The following AVL9 variants were observed in gnomAD, a reference collection of about 807,000 sequenced individuals.
AVL9 encodes the protein late secretory pathway protein AVL9 homolog.
Under a neutral mutation model 79.2 loss-of-function variants are expected in AVL9, and 49 were observed. The observed-to-expected ratio is 0.62, with a 90% CI of 0.49 to 0.79. AVL9 has a LOEUF of 0.79. AVL9 is among the 30% of genes least tolerant of loss of function. The pLI is 0.00. For synonymous variants in AVL9, 299 were observed against 280.6 expected (o/e 1.07, Z -0.65); for missense variants, 682 against 776.8 (o/e 0.88, Z 1.45).
chr7:32,562,637 G>A (rs1474603131), intron 10 of AVL9: 5 of 984,212 alleles, frequency 5.1e-6, no homozygotes, highest in Non-Finnish European at 6.0e-6. Context: ...AAGTTACACT[G>A]GACTGGACAT....
intron 13 of AVL9, among the ~76,000 whole-genome samples, chr7:32,579,411 A>ATTATATT (rs1562801474): frequency 6.1e-4 from 2 of 3,260 alleles, no homozygotes; most frequent in Admixed American, 0.01. Flanking sequence ...TATTATATAT[A>ATTATATT]ATATGTTATA....
intron 1 of AVL9, among the ~76,000 whole-genome samples, chr7:32,503,614 C>T (rs1002652032): frequency 6.7e-6 from 1 of 148,886 alleles, no homozygotes; most frequent in Middle Eastern, 3.2e-3. Flanking sequence ...TTGTGCCTTT[C>T]ATCACATCAC....
chr7:32,501,856 C>T (rs1787141195), intron 1 of AVL9, among the ~76,000 whole-genome samples: 1 of 152,062 alleles, frequency 6.6e-6, no homozygotes, highest in Admixed American at 6.6e-5. Context: ...TGCAGAAGGG[C>T]CCTAATCTAC....
chr7:32,540,417 C>T (rs1214284129), intron 1 of AVL9, among the ~76,000 whole-genome samples: 1 of 152,048 alleles, frequency 6.6e-6, no homozygotes, highest in Non-Finnish European at 1.5e-5. Flanking sequence ...GGTTGGGGCT[C>T]TACTAAAGGA....
At chr7:32,497,112 T>C (rs1583471430) in intron 1 of AVL9, among the ~76,000 whole-genome samples, 1 of 66,694 alleles carries the variant, frequency 1.5e-5, no homozygotes, top group East Asian at 4.7e-4. Flanking sequence ...TCCCAGCACT[T>C]TGGGAGGCCG....
At chr7:32,516,949 G>A (rs1420950411) in intron 1 of AVL9, among the ~76,000 whole-genome samples, 1 of 152,088 alleles carries the variant, frequency 6.6e-6, no homozygotes, top group Non-Finnish European at 1.5e-5. Context: ...AGGTCAACCT[G>A]CAACTATAAG....
chr7:32,504,408 T>C (rs1196404609), intron 1 of AVL9, among the ~76,000 whole-genome samples: 5 of 152,192 alleles, frequency 3.3e-5, no homozygotes, highest in Non-Finnish European at 7.3e-5. Flanking sequence ...TACAAATCGT[T>C]GTCTTATCCT....
intron 3 of AVL9, among the ~76,000 whole-genome samples, chr7:32,545,879 A>G (rs750392756): frequency 6.6e-6 from 1 of 152,102 alleles, no homozygotes; most frequent in African/African-American, 2.4e-5. Context: ...TCAGCTGCAC[A>G]TTGCAATCAC....
At chr7:32,510,308 C>T (rs564041871) in intron 1 of AVL9, among the ~76,000 whole-genome samples, 160 of 151,230 alleles carry the variant, frequency 1.1e-3, no homozygotes, top group Middle Eastern at 7.1e-3. Context: ...TGTGAGCTGT[C>T]AGGTCTGGCT....
At position 32,495,644 on chromosome 7, in the gene AVL9, G is replaced by T. The variant is rs1562742686; in HGVS notation, c.-66G>T. 2.5e-5 allele frequency: 28 copies of T among 1,105,822 alleles called. No individual in the cohort carries two copies. The highest frequency in any genetic ancestry group is 3.0e-5 in the Non-Finnish European group (26 of 857,302). 68.5% of individuals were successfully genotyped at this position (1,105,822 alleles called of 1,614,324 possible). A position where few individuals can be genotyped will look rare whatever the true frequency, so the allele number is the denominator to read the frequency against. On this transcript the variant is annotated 5_prime_UTR_variant, in exon 1 of 16. Transcript: ENST00000318709. ...CCGAAGTCCGCGGCTTTCCGCACAC[G>T]GTGGGGTCGTCAGACCCGCTGCCCT...
At chr7:32,499,357 TG>T (rs1480700550) in intron 1 of AVL9, among the ~76,000 whole-genome samples, 3 of 5,208 alleles carry the variant, frequency 5.8e-4, no homozygotes, top group Non-Finnish European at 1.5e-3. Flanking sequence ...ACATTAACTC[TG>T]TTTTTTTTTT....
At chr7:32,500,738 T>C (rs1004684236) in intron 1 of AVL9, among the ~76,000 whole-genome samples, 3 of 152,234 alleles carry the variant, frequency 2.0e-5, no homozygotes, top group African/African-American at 7.2e-5. Flanking sequence ...TTTATGGTTT[T>C]AGGTGTTAGT....
intron 1 of AVL9, among the ~76,000 whole-genome samples, chr7:32,540,871 C>CTTTTTTTTTTTTTTTTTTTTT (rs749306635): frequency 1.4e-5 from 1 of 72,470 alleles, no homozygotes; most frequent in Non-Finnish European, 2.6e-5. Flanking sequence ...TGTTGTACTA[C>CTTTTTTTTTTTTTTTTTTTTT]TTTTTTTTTT....
At chr7:32,510,652 C>T (rs1165564603) in intron 1 of AVL9, among the ~76,000 whole-genome samples, 10 of 112,948 alleles carry the variant, frequency 8.9e-5, no homozygotes, top group African/African-American at 1.0e-4. Context: ...AAACCATCTC[C>T]CCAGGGTAAG....
intron 1 of AVL9, among the ~76,000 whole-genome samples, chr7:32,507,763 G>C (rs973113677): frequency 7.9e-5 from 12 of 152,174 alleles, no homozygotes; most frequent in African/African-American, 2.9e-4. Context: ...ATATACTTAA[G>C]AGTGGAATTG....
chr7:32,528,581 A>C (rs1231296493), intron 1 of AVL9, among the ~76,000 whole-genome samples: 1 of 152,116 alleles, frequency 6.6e-6, no homozygotes, highest in Non-Finnish European at 1.5e-5. Context: ...TTTTGTCCAG[A>C]GGCTTGGCAT....
At chr7:32,523,513 T>TTC (rs1353833238) in intron 1 of AVL9, among the ~76,000 whole-genome samples, 13 of 64,714 alleles carry the variant, frequency 2.0e-4, no homozygotes, top group Non-Finnish European at 9.0e-5. Context: ...ATTTCCTTTT[T>TTC]TTTTTTTTTT....
At chr7:32,548,240 C>T (rs1282456218) in intron 3 of AVL9, among the ~76,000 whole-genome samples, 1 of 151,058 alleles carries the variant, frequency 6.6e-6, no homozygotes, top group Non-Finnish European at 1.5e-5. Context: ...CTCTGCCTCC[C>T]GGGTTCAAGC....
Position 32,500,032 on chromosome 7 carries a change from T to G in AVL9, c.93+4230T>G, listed in dbSNP as rs6952183. Among the ~76,000 whole-genome samples, 1,109 of 152,340 alleles carry G rather than the reference T, an allele frequency of 7.3e-3. 15 individuals carry two copies. The highest frequency in any genetic ancestry group is 0.024 in the African/African-American group (987 of 41,576). ...TTGGGTTGGTTCCAAGTCTTTGCTA[T>G]TGTGAATAGTGCTGCAATAAACGTG... On this transcript the variant is annotated intron_variant, in intron 1 of 15. Transcript: ENST00000318709.
Sources: gnomAD v4.1 joint callset for allele counts (sites outside exome capture counted in the v4.1 genomes callset) on GRCh38, gnomAD v4.1.1 for gene constraint, MANE v1.5 for transcripts, NCBI Gene and HGNC (gene_info 2026-07-23, HGNC 2026-07-21) for gene names.